Variants in NMRK1 observed in about 807,000 individuals in gnomAD.
NMRK1 encodes NRK 1.
NMRK1 carries 28 observed loss-of-function variants against 29.9 expected under a neutral mutation model. The ratio of observed to expected loss-of-function variants is 0.94; its 90% CI spans 0.69 to 1.28. The LOEUF is 1.28. Among genes scored for constraint, NMRK1 ranks in the 50% most tolerant of loss-of-function variants. The pLI is 0.00. For synonymous variants in NMRK1, 58 were observed against 73.0 expected (o/e 0.79, Z 1.05); for missense variants, 218 against 233.1 (o/e 0.94, Z 0.42).
At chr9:75,078,486 T>C in intron 2 of NMRK1, 2 of 1,428,612 alleles carry the variant, frequency 1.4e-6, no homozygotes, top group South Asian at 3.1e-5. Flanking sequence ...TACTCCTCTT[T>C]AGATCTAGTT....
At chr9:75,069,853 C>T in intron 5 of NMRK1, 40 bp from the exon 6 acceptor site, 2 of 1,611,236 alleles carry the variant, frequency 1.2e-6, no homozygotes, top group South Asian at 1.1e-5. Flanking sequence ...GGTTTTTATC[C>T]CCCCATTCAC....
intron 7 of NMRK1, 118 bp from the exon 8 acceptor site, chr9:75,066,958 C>T (rs1823390556): frequency 2.1e-5 from 13 of 615,080 alleles, no homozygotes. Context: ...CACCCAGGAC[C>T]ATAACTTAAA....
chr9:75,078,737 T>C (rs1824154727), intron 2 of NMRK1, among the ~76,000 whole-genome samples: 1 of 152,190 alleles, frequency 6.6e-6, no homozygotes, highest in African/African-American at 2.4e-5. Context: ...TCACAGATGT[T>C]TTCATATTAT....
chr9:75,086,539 G>A (rs905039875), intron 1 of NMRK1, among the ~76,000 whole-genome samples: 1 of 152,034 alleles, frequency 6.6e-6, no homozygotes, highest in Non-Finnish European at 1.5e-5. Flanking sequence ...TAAAATGTTG[G>A]GTTTTTTAAA....
intron 8 of NMRK1, among the ~76,000 whole-genome samples, chr9:75,064,218 T>A (rs1823208936): frequency 6.6e-6 from 1 of 152,148 alleles, no homozygotes; most frequent in Non-Finnish European, 1.5e-5. Flanking sequence ...TTCATCTTTA[T>A]CAGTAGGTAG....
At chr9:75,071,617 C>T (rs1823702899) in intron 4 of NMRK1, among the ~76,000 whole-genome samples, 5 of 152,118 alleles carry the variant, frequency 3.3e-5, no homozygotes, top group Admixed American at 3.3e-4. Context: ...CCTATTTAAT[C>T]TTCTTTTGCA....
rs551175756 is a variant in NMRK1, at chr9:75,061,332, C to G, written c.*216G>C. ...GTGAGCTCTGCTGTATCTATGCGCT[C>G]CCTGGAGAGGGAGCAACTTGCTAAG... On this transcript the variant is annotated 3_prime_UTR_variant, in exon 9 of 9. Transcript: ENST00000361092. 1.9e-6 allele frequency: 1 copy of G among 514,352 alleles called. No homozygotes were observed. The highest frequency in any genetic ancestry group is 3.1e-5 in the East Asian group (1 of 31,980). 31.9% of individuals were successfully genotyped at this position (514,352 alleles called of 1,614,324 possible).
chr9:75,070,771 A>G (rs1006768590), intron 4 of NMRK1, among the ~76,000 whole-genome samples: 2 of 152,218 alleles, frequency 1.3e-5, no homozygotes, highest in Non-Finnish European at 2.9e-5. Flanking sequence ...AATTTATTTA[A>G]TAGACATAGG....
At chr9:75,065,073 C>T (rs1176268975) in intron 8 of NMRK1, among the ~76,000 whole-genome samples, 1 of 152,194 alleles carries the variant, frequency 6.6e-6, no homozygotes, top group East Asian at 1.9e-4. Flanking sequence ...ATTCATGGCT[C>T]ACTGCAGCCT....
intron 2 of NMRK1, among the ~76,000 whole-genome samples, chr9:75,081,926 A>G (rs1824346676): frequency 6.6e-6 from 1 of 152,160 alleles, no homozygotes; most frequent in South Asian, 2.1e-4. Flanking sequence ...TCTAAGATGA[A>G]CCCAAATGAA....
At position 75,070,000 on chromosome 9, in the gene NMRK1, G is replaced by A. The variant is rs760274172; in HGVS notation, c.212C>T (p.Ser71Phe). The A allele has an allele frequency of 1.1e-5, 18 of 1,613,438 alleles. No homozygotes were observed. The highest frequency in any genetic ancestry group is 1.4e-5 in the Non-Finnish European group (16 of 1,179,814). Residue 71 changes from serine (S) to phenylalanine (F), a missense_variant, in exon 5 of 9, where the codon TCC becomes TTC. Coordinates refer to ENST00000361092, the MANE Select transcript of NMRK1 (RefSeq NM_017881.3). ...GTGTCTTGCGCTTTCCATCCAGCAG[G>A]AAATGGCTGACATCATTTTTTCCAT... ...LNMEKMMSAI[S>F]CWMESARHSV... is the part of the protein sequence containing the mutation.
intron 7 of NMRK1, among the ~76,000 whole-genome samples, chr9:75,067,668 G>A (rs1253950995): frequency 6.6e-6 from 1 of 152,202 alleles, no homozygotes; most frequent in Non-Finnish European, 1.5e-5. Context: ...CAGAGCAGGA[G>A]CCTGATTAGA....
chr9:75,069,008 T>G lies in NMRK1; in HGVS notation c.484A>C (p.Thr162Pro), dbSNP rs149351551. The G allele has an allele frequency of 2.0e-3, 3,211 of 1,612,652 alleles. 5 individuals are homozygous for G. The highest frequency in any genetic ancestry group is 2.5e-3 in the Non-Finnish European group (2,905 of 1,178,604). Residue 162 changes from threonine (T) to proline (P), a missense_variant, in exon 7 of 9, where the codon ACA becomes CCA. Thr to Pro is a conservative substitution (Grantham distance 38, BLOSUM62 -1). Transcript: ENST00000361092. ...AAAAGGCACTTACCAACTTCCCATG[T>G]GATGTCCTGCATTTCTTGTCTGTAC... ...LKYRQEMQDI[T>P]WEVVYLDGTK...
intron 8 of NMRK1, among the ~76,000 whole-genome samples, chr9:75,065,927 C>T (rs941042493): frequency 1.3e-5 from 2 of 152,190 alleles, no homozygotes; most frequent in African/African-American, 4.8e-5. Flanking sequence ...TATCTTTTTA[C>T]CCTGGGACTG....
chr9:75,079,710 C>T (rs12115839), intron 2 of NMRK1, among the ~76,000 whole-genome samples: 9,201 of 151,310 alleles, frequency 0.061, 959 homozygotes, highest in African/African-American at 0.21. Flanking sequence ...CAAAACATGG[C>T]GGAAAGGAAT....
chr9:75,078,306 C>T, intron 2 of NMRK1: 1 of 1,559,556 alleles, frequency 6.4e-7, no homozygotes, highest in Non-Finnish European at 8.7e-7. Context: ...AGAGGAGTGG[C>T]TTATTACAAG....
chr9:75,084,838 A>G (rs1317320836), intron 1 of NMRK1, among the ~76,000 whole-genome samples: 1 of 152,228 alleles, frequency 6.6e-6, no homozygotes, highest in African/African-American at 2.4e-5. Flanking sequence ...AGTTTCATCC[A>G]GAGTTATGTT....
At chr9:75,086,912 T>TG (rs897623423) in intron 1 of NMRK1, among the ~76,000 whole-genome samples, 5 of 150,956 alleles carry the variant, frequency 3.3e-5, no homozygotes, top group African/African-American at 1.2e-4. Flanking sequence ...GGCTGGGTTT[T>TG]TTTTTTTTTT....
At chr9:75,081,689 T>C (rs1167056589) in intron 2 of NMRK1, among the ~76,000 whole-genome samples, 1 of 152,194 alleles carries the variant, frequency 6.6e-6, no homozygotes, top group African/African-American at 2.4e-5. Context: ...CGGTTGGGAC[T>C]GCTCCCACTC....
Sources: allele counts gnomAD v4.1 joint callset (sites outside exome capture counted in the v4.1 genomes callset), GRCh38; gene constraint gnomAD v4.1.1; transcripts MANE v1.5; gene names NCBI Gene and HGNC (gene_info 2026-07-23, HGNC 2026-07-21).